Variants in FBH1 observed in about 807,000 individuals in gnomAD.
The protein encoded by FBH1 is DNA 3'-5' helicase 1.
A neutral mutation model predicts 115.5 loss-of-function variants in FBH1; 43 were observed. The observed-to-expected ratio is 0.37, with a 90% CI of 0.29 to 0.48. The LOEUF (loss-of-function observed/expected upper bound fraction) is 0.48, where lower values mean the gene tolerates loss of function less well. Among genes scored for constraint, FBH1 ranks in the 20% least tolerant of loss-of-function variants. The pLI, the probability that FBH1 is intolerant of heterozygous loss-of-function variation, is 0.99. For missense variants in FBH1, 1,001 were observed against 1,337.3 expected (o/e 0.75, Z 3.92); for synonymous variants, 524 against 507.8 (o/e 1.03, Z -0.43).
In FBH1 at chr10:5,937,447, C is replaced by T. The variant is rs985421367; in HGVS notation, c.*167C>T. 1 of 596,688 alleles carries T rather than the reference C, an allele frequency of 1.7e-6. No homozygotes were observed. Among genetic ancestry groups the T allele is most frequent in the African/African-American group, 1.9e-5 (1 of 51,798 alleles). The allele number at this position is 596,688 out of a possible 1,614,324, so 37.0% of individuals were successfully genotyped here. ...GGACCTGCCATTTCTCCACTCCCTA[C>T]AGACAGCCAGTCTCCACTTGCCTCC... On this transcript the variant is annotated 3_prime_UTR_variant, in exon 21 of 21. Transcript: ENST00000362091.
Position 5,924,579 on chromosome 10 carries a change from T to A in FBH1, c.2596+71T>A. ...AGATGGTCTTCTGCTGTTCTTTTTT[T>A]TTTTTTGAGACAGAGTATTGCTCTG... On this transcript the variant is annotated intron_variant, in intron 17 of 20. Coordinates refer to ENST00000362091, the MANE Select transcript of FBH1 (RefSeq NM_178150.3). This position sits in a 1 kb window ranked among gnomAD's most constrained non-coding sequence, Gnocchi z 6.2. 1 of 1,502,814 alleles carries A rather than the reference T, an allele frequency of 6.7e-7. No homozygotes were observed. The highest frequency in any genetic ancestry group is 1.2e-5 in the South Asian group (1 of 83,724). The allele number at this position is 1,502,814 out of a possible 1,614,324, so 93.1% of individuals were successfully genotyped here. A position where few individuals can be genotyped will look rare whatever the true frequency, so the allele number is the denominator to read the frequency against.
intron 18 of FBH1, among the ~76,000 whole-genome samples, chr10:5,926,593 A>G (rs1832668056): frequency 6.6e-6 from 1 of 152,240 alleles, no homozygotes; most frequent in Non-Finnish European, 1.5e-5. Flanking sequence ...ACACATCGGC[A>G]TGCTGAAAAT....
In FBH1 at chr10:5,913,605, CT is replaced by C. The variant is rs1831744321; in HGVS notation, c.1212-138del. Reference sequence around the variant, plus strand: ...TGCCAGCCATAGATATATTTAAATCCTTTTCTTTCTTTTTTCCATTAAATGG... The same window carrying C: ...TGCCAGCCATAGATATATTTAAATCCTTTCTTTCTTTTTTCCATTAAATGG... On this transcript the variant is annotated intron_variant, in intron 6 of 20. Transcript: ENST00000362091. This position sits in a 1 kb window ranked among gnomAD's most constrained non-coding sequence, Gnocchi z 4.4. 1.8e-6 allele frequency: 1 copy of C among 571,178 alleles called. No individual in the cohort carries two copies. The highest frequency in any genetic ancestry group is 2.4e-5 in the South Asian group (1 of 41,232). The allele number at this position is 571,178 out of a possible 1,614,324, so 35.4% of individuals were successfully genotyped here. A position where few individuals can be genotyped will look rare whatever the true frequency, so the allele number is the denominator to read the frequency against.
chr10:5,909,186 G>C lies in FBH1; in HGVS notation c.912G>C (p.Pro304=). The stretch of plus-strand genomic sequence containing the variant: ...ACACAGCCACCACTAAGTGCTCTCC[G>C]AGTGTGGATCCCGAGAGGGTGCTGT... ...IRYTATTKCS[P]SVDPERVLWS... Residue 304 remains proline, a synonymous_variant, in exon 5 of 21, where the codon CCG becomes CCC. Transcript: ENST00000362091. This position sits in a 1 kb window ranked among gnomAD's most constrained non-coding sequence, Gnocchi z 4.4. 6.2e-7 allele frequency: 1 copy of C among 1,613,748 alleles called. No individual in the cohort carries two copies. The highest frequency in any genetic ancestry group is 8.5e-7 in the Non-Finnish European group (1 of 1,180,020).
rs1185227260 is a variant in FBH1, at chr10:5,925,661, T to TAA, written c.2722+170_2722+171insAA. ...CCTAGTCCTAAACTTTTGATTCTTA[T>TAA]ACTGTGGTTTTTTAAAAAACAAAAC... On this transcript the variant is annotated intron_variant, in intron 18 of 20. Transcript: ENST00000362091. This position sits in a 1 kb window ranked among gnomAD's most constrained non-coding sequence, Gnocchi z 4.6. Among the ~76,000 whole-genome samples, 4 of 152,294 alleles carry TAA rather than the reference T, an allele frequency of 2.6e-5. No individual in the cohort carries two copies. Among genetic ancestry groups the TAA allele is most frequent in the African/African-American group, 9.6e-5 (4 of 41,568 alleles).
rs374744286 is a variant in FBH1 at position 5,909,231 on chromosome 10, C to A, written c.957C>A (p.Pro319=). The A allele has an allele frequency of 7.6e-5, 123 of 1,613,424 alleles. 1 individual carries two copies. The highest frequency in any genetic ancestry group is 3.3e-4 in the Middle Eastern group (2 of 6,062). ...TGCTGTGGAGTCTGAGGGACCACCC[C>A]CTCCTCCCCGAGGCTGAGGCGTGTG... is the stretch of plus-strand genomic sequence containing the variant. The part of the protein sequence containing the change: ...ERVLWSLRDH[P]LLPEAEACVR... The change falls in exon 5 of 21, where the codon CCC becomes CCA. Residue 319 remains proline (P), a synonymous_variant. Transcript: ENST00000362091. The surrounding 1 kb of genome is among the most constrained non-coding windows in gnomAD (Gnocchi z 4.4).
chr10:5,902,951 C>T (rs1843443499), intron 1 of FBH1, 69 bp from the exon 2 acceptor site: 3 of 1,464,944 alleles, frequency 2.0e-6, no homozygotes, highest in Non-Finnish European at 2.8e-6. Flanking sequence ...GTATAATGTG[C>T]TGGCTAGCTT....
Position 5,895,299 on chromosome 10 carries a change from A to G in FBH1, c.1+4953A>G, listed in dbSNP as rs1025554968. On this transcript the variant is annotated intron_variant, in intron 1 of 20. Coordinates refer to ENST00000362091, the MANE Select transcript of FBH1 (RefSeq NM_178150.3). The surrounding 1 kb of genome is among the most constrained non-coding windows in gnomAD (Gnocchi z 5.0). ...TTAAAGTTGGGTATGGTATTGTAGC[A>G]GTTTCTCCAGTCAGGTACCTTGTAC... 1 of 1,179,554 alleles carries G rather than the reference A, an allele frequency of 8.5e-7. No homozygotes were observed. Among genetic ancestry groups the G allele is most frequent in the Non-Finnish European group, 1.1e-6 (1 of 871,082 alleles). The allele number at this position is 1,179,554 out of a possible 1,614,324, so 73.1% of individuals were successfully genotyped here.
In FBH1 at chr10:5,921,650, T is replaced by C; in HGVS notation, c.2322+81T>C. 6.4e-7 allele frequency: 1 copy of C among 1,552,052 alleles called. No homozygotes were observed. The highest frequency in any genetic ancestry group is 8.6e-7 in the Non-Finnish European group (1 of 1,157,588). ...ACCCAATGGAAATGTTCACCTTCCT[T>C]GGGATTATCATGCAAGAAAGCATTT... On this transcript the variant is annotated intron_variant, in intron 15 of 20. Transcript: ENST00000362091. This position sits in a 1 kb window ranked among gnomAD's most constrained non-coding sequence, Gnocchi z 6.4.
chr10:5,906,087 C>G lies in FBH1; in HGVS notation c.208C>G (p.Pro70Ala), dbSNP rs1026459947. 6.2e-7 allele frequency: 1 copy of G among 1,614,022 alleles called. No homozygotes were observed. Among genetic ancestry groups the G allele is most frequent in the Non-Finnish European group, 8.5e-7 (1 of 1,179,902 alleles). ...TGAGTTCTTCCTAGCAGGCAAGCAG[C>G]CGTGCACCAATGACATGGCCAAAAG... ...IPEFFLAGKQ[P>A]CTNDMAKSNS... The change falls in exon 3 of 21, where the codon CCG (proline) becomes GCG (alanine). Residue 70 changes from proline to alanine, a missense_variant. Physicochemically the swap from Pro to Ala is conservative, Grantham distance 27. Transcript: ENST00000362091. The surrounding 1 kb of genome is among the most constrained non-coding windows in gnomAD (Gnocchi z 7.3).
chr10:5,927,423 TAC>T lies in FBH1; in HGVS notation c.2723-11_2723-10del, dbSNP rs1238628941. On this transcript the variant is annotated splice_polypyrimidine_tract_variant and intron_variant, in intron 18 of 20. Transcript: ENST00000362091. ...CTTTTTAGTTGATTTTTTTCCCCTT[TAC>T]TTTGTTTAGAGTCATTTTCTGAGGA... 2 of 1,595,684 alleles carry T rather than the reference TAC, an allele frequency of 1.3e-6. No homozygotes were observed. Among genetic ancestry groups the T allele is most frequent in the Admixed American group, 1.8e-5 (1 of 57,008 alleles).
In FBH1 at chr10:5,913,286, C is replaced by T. The variant is rs954894658; in HGVS notation, c.1212-461C>T. ...CCTTAAAAGATAGAATGTGTTCATG[C>T]GTCTAAAGCAATGTCATGTCATAAG... On this transcript the variant is annotated intron_variant, in intron 6 of 20. Transcript: ENST00000362091. This position sits in a 1 kb window ranked among gnomAD's most constrained non-coding sequence, Gnocchi z 4.4. 1.3e-5 allele frequency among the ~76,000 whole-genome samples: 2 copies of T among 152,154 alleles called. No homozygotes were observed. The highest frequency in any genetic ancestry group is 2.9e-5 in the Non-Finnish European group (2 of 68,030).
In FBH1 at chr10:5,918,496, A is replaced by G. The variant is rs138372475; in HGVS notation, c.2100+18A>G. 51 of 1,547,486 alleles carry G rather than the reference A, an allele frequency of 3.3e-5. No individual in the cohort carries two copies. The East Asian group carries it at 1.1e-3, about 34-fold the overall frequency. ...TCACGCAGGTAAGTGCGCACTCTGC[A>G]TGGGAGGCATTGCATCTCTCTCCCA... On this transcript the variant is annotated intron_variant, in intron 13 of 20. Transcript: ENST00000362091. This position sits in a 1 kb window ranked among gnomAD's most constrained non-coding sequence, Gnocchi z 4.0.
Position 5,895,064 on chromosome 10 carries a change from T to G in FBH1, c.1+4718T>G. 6.2e-7 allele frequency: 1 copy of G among 1,612,486 alleles called. No homozygotes were observed. The highest frequency in any genetic ancestry group is 8.5e-7 in the Non-Finnish European group (1 of 1,178,980). On this transcript the variant is annotated intron_variant, in intron 1 of 20. Transcript: ENST00000362091. This position sits in a 1 kb window ranked among gnomAD's most constrained non-coding sequence, Gnocchi z 5.0. ...CCATTCCCGTTTCACAGGCTGCCAT[T>G]GGACCTGTCAAGTGCCTGAGTCATG...
intron 2 of FBH1, among the ~76,000 whole-genome samples, chr10:5,903,909 T>A (rs1367358729): frequency 6.6e-6 from 1 of 152,212 alleles, no homozygotes; most frequent in African/African-American, 2.4e-5. Flanking sequence ...GTAACCTTGC[T>A]CCTTGACTTC....
Position 5,936,425 on chromosome 10 carries a change from A to T in FBH1, c.2830-31A>T. On this transcript the variant is annotated intron_variant, in intron 19 of 20. Transcript: ENST00000362091. This position sits in a 1 kb window ranked among gnomAD's most constrained non-coding sequence, Gnocchi z 5.6. Reference sequence around the variant, plus strand: ...AGTAGACCCTAACGGAGGTGTCGCCATGACTCTCTTTCTCGCTCTTTCTTT... The same window carrying T: ...AGTAGACCCTAACGGAGGTGTCGCCTTGACTCTCTTTCTCGCTCTTTCTTT... The T allele has an allele frequency of 3.7e-6, 6 of 1,610,018 alleles. No homozygotes were observed. Among genetic ancestry groups the T allele is most frequent in the Non-Finnish European group, 5.1e-6 (6 of 1,178,012 alleles).
Position 5,910,504 on chromosome 10 carries a change from G to A in FBH1, c.1021-434G>A, listed in dbSNP as rs879805693. Among the ~76,000 whole-genome samples the A allele has an allele frequency of 3.3e-5, 5 of 152,042 alleles. No homozygotes were observed. The highest frequency in any genetic ancestry group is 1.2e-4 in the African/African-American group (5 of 41,400). ...AGATTTTATTTTCCCCACAGCCTGC[G>A]TGCGGCCCTCTCCTGTGTCTGCGTC... On this transcript the variant is annotated intron_variant, in intron 5 of 20. Transcript: ENST00000362091. This position sits in a 1 kb window ranked among gnomAD's most constrained non-coding sequence, Gnocchi z 4.8.
intron 3 of FBH1, among the ~76,000 whole-genome samples, chr10:5,907,822 C>T (rs866283758): frequency 1.3e-5 from 2 of 152,098 alleles, no homozygotes; most frequent in African/African-American, 4.8e-5. Context: ...TTCAGTTTTC[C>T]TTCTGCTATT....
rs929332974 is a variant in FBH1 at position 5,911,033 on chromosome 10, C to A, written c.1116C>A (p.Ser372Arg). 4 of 1,613,260 alleles carry A rather than the reference C, an allele frequency of 2.5e-6. No homozygotes were observed. The highest frequency in any genetic ancestry group is 3.4e-6 in the Non-Finnish European group (4 of 1,180,026). ...TGCTCTTCTGCCTCCGGAGACCCAGCTCCACGGTGACCATGCCAGATGTCA... is the reference window on the plus strand; with the variant it reads ...TGCTCTTCTGCCTCCGGAGACCCAGATCCACGGTGACCATGCCAGATGTCA... ...QRLLFCLRRP[S>R]STVTMPDVTE... Residue 372 changes from serine to arginine, a missense_variant, in exon 6 of 21, where the codon AGC becomes AGA. Physicochemically the swap from Ser to Arg is moderately radical, Grantham distance 110 (BLOSUM62 -1). This residue lies in a region of FBH1 where 59 missense variants were observed against 79.7 expected (regional missense o/e 0.74). Transcript: ENST00000362091. The surrounding 1 kb of genome is among the most constrained non-coding windows in gnomAD (Gnocchi z 5.4).
Sources: allele counts gnomAD v4.1 joint callset (sites outside exome capture counted in the v4.1 genomes callset), GRCh38; gene constraint gnomAD v4.1.1; regional missense constraint gnomAD v4.1.1; non-coding constraint Gnocchi (gnomAD v3.1); transcripts MANE v1.5; gene names NCBI Gene and HGNC (gene_info 2026-07-23, HGNC 2026-07-21).